GPATCH2: variants seen among roughly 807,000 people sequenced by gnomAD.
GPATCH2 encodes the protein G-patch domain containing 2.
Under a neutral mutation model 58.0 loss-of-function variants are expected in GPATCH2, and 51 were observed. The observed-to-expected ratio is 0.88, with a 90% confidence interval of 0.70 to 1.11. The LOEUF (loss-of-function observed/expected upper bound fraction) is 1.11, where lower values mean the gene tolerates loss of function less well. GPATCH2 is among the 50% of genes most tolerant of loss of function. The pLI, the probability that GPATCH2 is intolerant of heterozygous loss-of-function variation, is 0.00. For missense variants in GPATCH2, 625 were observed against 652.2 expected, an observed-to-expected ratio of 0.96 and a Z score of 0.45; for synonymous variants, 222 against 218.5, an observed-to-expected ratio of 1.02 and a Z score of -0.14.
chr1:217,538,829 G>A (rs531517937), intron 5 of GPATCH2, among the ~76,000 whole-genome samples: 71 of 152,266 alleles, frequency 4.7e-4, no homozygotes, highest in African/African-American at 1.6e-3. Flanking sequence ...ACAGTGTTGG[G>A]TCCTAATTTT....
chr1:217,548,075 T>C (rs1027692530), intron 5 of GPATCH2, among the ~76,000 whole-genome samples: 12 of 152,212 alleles, frequency 7.9e-5, no homozygotes, highest in African/African-American at 1.4e-4. Context: ...TGTGAGTCAA[T>C]TAAACCTCTT....
At chr1:217,562,903 T>C (rs942952959) in intron 5 of GPATCH2, among the ~76,000 whole-genome samples, 5 of 152,244 alleles carry the variant, frequency 3.3e-5, no homozygotes, top group Non-Finnish European at 5.9e-5. Flanking sequence ...AGTAGTAAAC[T>C]TTGAAAACTT....
intron 5 of GPATCH2, among the ~76,000 whole-genome samples, chr1:217,557,716 A>T (rs1045897058): frequency 6.6e-6 from 1 of 152,172 alleles, no homozygotes; most frequent in African/African-American, 2.4e-5. Context: ...TACCTTTGTC[A>T]TATGTCAGAT....
intron 8 of GPATCH2, among the ~76,000 whole-genome samples, chr1:217,475,606 AAGTT>A (rs1162115781): frequency 2.6e-5 from 4 of 152,156 alleles, no homozygotes; most frequent in Non-Finnish European, 5.9e-5. Flanking sequence ...AAAGTGTAAA[AAGTT>A]AGAGGATCAT....
At chr1:217,434,786 C>G (rs537810106) in intron 9 of GPATCH2, among the ~76,000 whole-genome samples, 1 of 152,212 alleles carries the variant, frequency 6.6e-6, no homozygotes, top group South Asian at 2.1e-4. Flanking sequence ...GTTGGTATTT[C>G]AAGCAGGGTA....
chr1:217,591,116 A>G (rs1047946915), intron 5 of GPATCH2, among the ~76,000 whole-genome samples: 1 of 152,202 alleles, frequency 6.6e-6, no homozygotes, highest in Non-Finnish European at 1.5e-5. Context: ...TGATAGTGGT[A>G]CAAAAGAAAG....
intron 5 of GPATCH2, among the ~76,000 whole-genome samples, chr1:217,550,389 ACC>A (rs1198238945): frequency 6.6e-6 from 1 of 152,088 alleles, no homozygotes; most frequent in Non-Finnish European, 1.5e-5. Flanking sequence ...GAACTTAAGG[ACC>A]TTAAGGTAAA....
intron 9 of GPATCH2, among the ~76,000 whole-genome samples, chr1:217,434,839 T>C (rs142692752): frequency 6.6e-6 from 1 of 152,266 alleles, no homozygotes; most frequent in African/African-American, 2.4e-5. Context: ...TGTTTTTATA[T>C]AGATGGAAAA....
chr1:217,447,107 C>T (rs765033519), intron 9 of GPATCH2, among the ~76,000 whole-genome samples: 4 of 152,120 alleles, frequency 2.6e-5, no homozygotes, highest in African/African-American at 4.8e-5. Flanking sequence ...GAATCCTATA[C>T]CTGCCTTATG....
At chr1:217,454,910 A>T (rs1342436778) in intron 8 of GPATCH2, among the ~76,000 whole-genome samples, 1 of 152,070 alleles carries the variant, frequency 6.6e-6, no homozygotes, top group Non-Finnish European at 1.5e-5. Flanking sequence ...CTGGGATTAC[A>T]GGCCACTGCA....
chr1:217,569,697 AAAAT>A (rs1436794818), intron 5 of GPATCH2, among the ~76,000 whole-genome samples: 6 of 152,164 alleles, frequency 3.9e-5, no homozygotes, highest in African/African-American at 1.4e-4. Context: ...CTCCGCCTCA[AAAAT>A]AAATAATTAA....
intron 6 of GPATCH2, among the ~76,000 whole-genome samples, chr1:217,500,372 G>T (rs1662238313): frequency 6.6e-6 from 1 of 151,780 alleles, no homozygotes; most frequent in South Asian, 2.1e-4. Flanking sequence ...ATCTGTCCTG[G>T]AACTTCCTTG....
At chr1:217,581,374 G>A (rs1667074937) in intron 5 of GPATCH2, among the ~76,000 whole-genome samples, 1 of 152,200 alleles carries the variant, frequency 6.6e-6, no homozygotes, top group African/African-American at 2.4e-5. Context: ...GGAAGACAAA[G>A]GCAAGATGAC....
chr1:217,509,818 T>C (rs1456549355), intron 6 of GPATCH2, among the ~76,000 whole-genome samples: 1 of 152,094 alleles, frequency 6.6e-6, no homozygotes, highest in African/African-American at 2.4e-5. Context: ...GGTCCATTAA[T>C]GGGAATAAAA....
intron 8 of GPATCH2, among the ~76,000 whole-genome samples, chr1:217,484,879 C>T (rs1661389597): frequency 6.6e-6 from 1 of 151,834 alleles, no homozygotes; most frequent in Non-Finnish European, 1.5e-5. Context: ...CCTATAAATA[C>T]ACCAAAGTTG....
chr1:217,452,152 G>A (rs1433691455), intron 8 of GPATCH2, among the ~76,000 whole-genome samples: 4 of 152,302 alleles, frequency 2.6e-5, no homozygotes, highest in African/African-American at 4.8e-5. Flanking sequence ...TAGAGAGCTC[G>A]AGTTGGACAC....
chr1:217,497,343 T>C (rs1190786817), intron 7 of GPATCH2, among the ~76,000 whole-genome samples: 3 of 152,122 alleles, frequency 2.0e-5, no homozygotes, highest in Admixed American at 6.6e-5. Flanking sequence ...TAGTGGCACA[T>C]AGTCCATTAT....
chr1:217,538,360 G>A (rs924875819), intron 5 of GPATCH2, among the ~76,000 whole-genome samples: 1 of 152,164 alleles, frequency 6.6e-6, no homozygotes, highest in Non-Finnish European at 1.5e-5. Flanking sequence ...TCACTAAAAT[G>A]ATGTTATGTG....
chr1:217,492,549 G>T (rs776633320), intron 7 of GPATCH2: 2 of 152,134 alleles, frequency 1.3e-5, no homozygotes, highest in Admixed American at 6.5e-5. Context: ...AAAAGTCTTG[G>T]AAATAATAAT....
Sources: gnomAD v4.1 joint callset for allele counts (sites outside exome capture counted in the v4.1 genomes callset) on GRCh38, gnomAD v4.1.1 for gene constraint, MANE v1.5 for transcripts, NCBI Gene and HGNC (gene_info 2026-07-23, HGNC 2026-07-21) for gene names.